The following PPP2R2A variants were observed in gnomAD, a reference collection of about 807,000 sequenced individuals.
PPP2R2A encodes serine/threonine-protein phosphatase 2A 55 kDa regulatory subunit B alpha isoform.
In PPP2R2A, 9 loss-of-function variants were observed where a neutral mutation model predicts 53.2. The ratio of observed to expected loss-of-function variants is 0.17; its 90% CI spans 0.10 to 0.30. PPP2R2A has a LOEUF of 0.30. PPP2R2A is among the 10% of genes least tolerant of loss of function. The pLI is 1.00. For missense variants in PPP2R2A, 235 were observed against 534.6 expected (o/e 0.44, Z 5.53); for synonymous variants, 169 against 174.2 (o/e 0.97, Z 0.23).
intron 2 of PPP2R2A, among the ~76,000 whole-genome samples, chr8:26,336,689 C>T (rs146131425): frequency 6.6e-6 from 1 of 151,892 alleles, no homozygotes; most frequent in Non-Finnish European, 1.5e-5. Context: ...CTACCTTGAG[C>T]AACATAGTGA....
chr8:26,368,611 G>A (rs1223196094), intron 9 of PPP2R2A, among the ~76,000 whole-genome samples: 2 of 152,106 alleles, frequency 1.3e-5, no homozygotes, highest in Non-Finnish European at 2.9e-5. Flanking sequence ...TTACAGCCTG[G>A]GCAACATAGC....
At position 26,330,948 on chromosome 8, in the gene PPP2R2A, A is replaced by G. The variant is rs528808357; in HGVS notation, c.83-7942A>G. On this transcript the variant is annotated intron_variant, in intron 2 of 9. Transcript: ENST00000380737. ...TAGTCTTTAGTGCTGATTTAGCCTG[A>G]TTACTAAGGTGTGACACTCTTGTGA... Among the ~76,000 whole-genome samples the G allele has an allele frequency of 3.9e-5, 6 of 152,270 alleles. No homozygotes were observed. In the South Asian group the frequency reaches 8.3e-4, roughly 21 times the overall value.
intron 3 of PPP2R2A, among the ~76,000 whole-genome samples, chr8:26,348,078 C>T (rs909389936): frequency 1.3e-5 from 2 of 152,100 alleles, no homozygotes; most frequent in South Asian, 4.1e-4. Flanking sequence ...TACTTTTATA[C>T]TGCTATAAAA....
Position 26,338,862 on chromosome 8 carries a change from C to CT in PPP2R2A, c.83-21dup, listed in dbSNP as rs757454334. The stretch of plus-strand genomic sequence containing the variant: ...TGAGTCGGGAAAGAAAAACTAATAT[C>CT]TTTTTTTGTTTTGTCTCAATTATAC... On this transcript the variant is annotated intron_variant, in intron 2 of 9. Coordinates refer to ENST00000380737, the MANE Select transcript of PPP2R2A (RefSeq NM_002717.4). This position sits in a 1 kb window ranked among gnomAD's most constrained non-coding sequence, Gnocchi z 4.5. 6.8e-6 allele frequency: 10 copies of CT among 1,473,424 alleles called. No homozygotes were observed. The highest frequency in any genetic ancestry group is 2.4e-5 in the South Asian group (2 of 84,210). 91.3% of individuals were successfully genotyped at this position (1,473,424 alleles called of 1,614,324 possible).
chr8:26,295,555 A>C (rs2117182950), intron 2 of PPP2R2A, among the ~76,000 whole-genome samples: 1 of 152,356 alleles, frequency 6.6e-6, no homozygotes, highest in Non-Finnish European at 1.5e-5. Flanking sequence ...TTAGGAGATA[A>C]ATCAGTTATA....
In PPP2R2A at chr8:26,367,013, A is replaced by G. The variant is rs562567388; in HGVS notation, c.1064+607A>G. On this transcript the variant is annotated intron_variant, in intron 9 of 9. Transcript: ENST00000380737. The stretch of plus-strand genomic sequence containing the variant: ...GTCTTTTAGTTGTCTATTTGCCACT[A>G]TGTTCCAGTAGAACAGAAAGTAGTA... Among the ~76,000 whole-genome samples, 23 of 152,326 alleles carry G rather than the reference A, an allele frequency of 1.5e-4. 1 individual carries two copies. The South Asian group carries it at 2.9e-3, about 19-fold the overall frequency.
intron 2 of PPP2R2A, among the ~76,000 whole-genome samples, chr8:26,323,394 G>A (rs935708259): frequency 2.0e-5 from 3 of 152,150 alleles, no homozygotes; most frequent in Non-Finnish European, 4.4e-5. Context: ...TTCCAACACT[G>A]TCTACCTGGA....
chr8:26,320,338 C>G (rs1213133071), intron 2 of PPP2R2A, among the ~76,000 whole-genome samples: 4 of 152,152 alleles, frequency 2.6e-5, no homozygotes, highest in Admixed American at 2.0e-4. Flanking sequence ...CTGCCTGATT[C>G]AGTTTTGGTT....
At chr8:26,314,136 A>G (rs546373438) in intron 2 of PPP2R2A, among the ~76,000 whole-genome samples, 1 of 152,298 alleles carries the variant, frequency 6.6e-6, no homozygotes, top group East Asian at 1.9e-4. Flanking sequence ...GAATCAGTTT[A>G]TGTTCTTCCT....
rs1427110188 is a variant in PPP2R2A at position 26,338,568 on chromosome 8, T to G, written c.83-322T>G. On this transcript the variant is annotated intron_variant, in intron 2 of 9. Transcript: ENST00000380737. The surrounding 1 kb of genome is among the most constrained non-coding windows in gnomAD (Gnocchi z 4.5). ...GTATATAAGAAAATTAGCAAGATAA[T>G]GTTTAAGGGTGCTATCAGAATGATT... Among the ~76,000 whole-genome samples, 1 of 152,234 alleles carries G rather than the reference T, an allele frequency of 6.6e-6. No individual in the cohort carries two copies. Among genetic ancestry groups the G allele is most frequent in the African/African-American group, 2.4e-5 (1 of 41,460 alleles).
chr8:26,345,354 C>T (rs912836076), intron 3 of PPP2R2A, among the ~76,000 whole-genome samples: 3 of 152,092 alleles, frequency 2.0e-5, no homozygotes, highest in African/African-American at 7.2e-5. Flanking sequence ...AATAATTTTT[C>T]CCTCTTAATT....
intron 2 of PPP2R2A, chr8:26,333,518 A>G: frequency 8.2e-7 from 1 of 1,226,134 alleles, no homozygotes; most frequent in Non-Finnish European, 1.1e-6. Flanking sequence ...CTCAAGTGGA[A>G]TTATGAAATC....
intron 4 of PPP2R2A, among the ~76,000 whole-genome samples, chr8:26,357,283 ACC>A (rs11365852): frequency 0.056 from 5,875 of 105,168 alleles, 234 homozygotes; most frequent in African/African-American, 0.099. Context: ...GCATAGTAAC[ACC>A]CCCCCCCCCC....
chr8:26,352,654 A>G (rs1376576644), intron 3 of PPP2R2A, among the ~76,000 whole-genome samples: 1 of 152,240 alleles, frequency 6.6e-6, no homozygotes, highest in Non-Finnish European at 1.5e-5. Context: ...GCAGTCCACG[A>G]AACTGCCATA....
intron 1 of PPP2R2A, chr8:26,293,157 A>C: frequency 7.6e-7 from 1 of 1,320,000 alleles, no homozygotes; most frequent in Non-Finnish European, 1.0e-6. Flanking sequence ...ATTTGCTGGT[A>C]ATGAATGCAA....
intron 4 of PPP2R2A, among the ~76,000 whole-genome samples, 182 bp from the exon 5 acceptor site, chr8:26,359,987 C>CT (rs1804995789): frequency 1.3e-5 from 2 of 150,642 alleles, no homozygotes; most frequent in South Asian, 4.2e-4. Flanking sequence ...AATCTTTGCA[C>CT]TTTATTTCCA....
chr8:26,363,700 G>C, intron 7 of PPP2R2A, 21 bp from the exon 8 acceptor site: 1 of 1,540,156 alleles, frequency 6.5e-7, no homozygotes, highest in Non-Finnish European at 8.8e-7. Context: ...CCCTTTTTGT[G>C]TTGTTTTGTT....
intron 2 of PPP2R2A, among the ~76,000 whole-genome samples, chr8:26,300,010 C>T (rs1010390192): frequency 8.5e-5 from 13 of 152,160 alleles, no homozygotes; most frequent in Admixed American, 3.3e-4. Flanking sequence ...AGTACAGTCA[C>T]TTAAAGTAGT....
At chr8:26,312,096 C>G (rs972841530) in intron 2 of PPP2R2A, among the ~76,000 whole-genome samples, 2 of 152,170 alleles carry the variant, frequency 1.3e-5, no homozygotes, top group Admixed American at 6.5e-5. Flanking sequence ...AATCTTTTAT[C>G]AGAGTTTCAA....
Sources: gnomAD v4.1 joint callset for allele counts (sites outside exome capture counted in the v4.1 genomes callset) on GRCh38, gnomAD v4.1.1 for gene constraint, Gnocchi (gnomAD v3.1) non-coding constraint, MANE v1.5 for transcripts, NCBI Gene and HGNC (gene_info 2026-07-23, HGNC 2026-07-21) for gene names.